Variants in DSCAM observed in about 807,000 individuals in gnomAD.
DSCAM encodes the protein cell adhesion molecule DSCAM.
A neutral mutation model predicts 217.7 loss-of-function variants in DSCAM; 47 were observed. That is an observed-to-expected ratio of 0.22 (90% confidence interval 0.17 to 0.28). The LOEUF is 0.28. DSCAM is among the 10% of genes least tolerant of loss of function. The pLI is 1.00. For synonymous variants in DSCAM, 1,056 were observed against 1,015.3 expected, an observed-to-expected ratio of 1.04 and a Z score of -0.76; for missense variants, 2,080 against 2,618.3, an observed-to-expected ratio of 0.79 and a Z score of 4.49.
chr21:40,110,791 A>C (rs1477588928), intron 20 of DSCAM, among the ~76,000 whole-genome samples: 1 of 152,222 alleles, frequency 6.6e-6, no homozygotes, highest in Admixed American at 6.5e-5. Flanking sequence ...TAGCTGATTC[A>C]ATCAACTGGA....
chr21:40,228,377 A>G (rs1004796812), intron 11 of DSCAM, among the ~76,000 whole-genome samples: 4 of 152,126 alleles, frequency 2.6e-5, no homozygotes, highest in Admixed American at 2.6e-4. Context: ...TCGTCAGGAA[A>G]ATTTGGCTAT....
At chr21:40,806,183 G>C (rs909689723) in intron 1 of DSCAM, among the ~76,000 whole-genome samples, 1 of 152,134 alleles carries the variant, frequency 6.6e-6, no homozygotes, top group African/African-American at 2.4e-5. Flanking sequence ...TTTCCTGCCT[G>C]GCCCACAAGC....
At chr21:40,607,545 T>C (rs755351600) in intron 3 of DSCAM, among the ~76,000 whole-genome samples, 15 of 152,090 alleles carry the variant, frequency 9.9e-5, no homozygotes, top group Non-Finnish European at 1.8e-4. Flanking sequence ...TCATCGTGAA[T>C]TGTACTGCCA....
intron 1 of DSCAM, among the ~76,000 whole-genome samples, chr21:40,814,166 C>T (rs1209773979): frequency 6.6e-6 from 1 of 152,182 alleles, no homozygotes; most frequent in African/African-American, 2.4e-5. Context: ...GCATACTAAA[C>T]AACAGCTTTA....
intron 3 of DSCAM, among the ~76,000 whole-genome samples, chr21:40,399,483 G>C (rs1334195051): frequency 6.6e-6 from 1 of 152,172 alleles, no homozygotes; most frequent in Admixed American, 6.5e-5. Context: ...GTCAATTCCT[G>C]TGTGCATGCT....
rs577452457 is a variant in DSCAM, at chr21:40,822,439, GT to G, written c.43+24179del. Among the ~76,000 whole-genome samples the G allele has an allele frequency of 4.2e-3, 527 of 125,076 alleles. 6 individuals are homozygous for G. Among genetic ancestry groups the G allele is most frequent in the African/African-American group, 0.015 (504 of 33,186 alleles). 82.1% of individuals were successfully genotyped at this position (125,076 alleles called of 152,430 possible). A position where few individuals can be genotyped will look rare whatever the true frequency, so the allele number is the denominator to read the frequency against. On this transcript the variant is annotated intron_variant, in intron 1 of 32. Coordinates refer to ENST00000400454, the MANE Select transcript of DSCAM (RefSeq NM_001389.5). The stretch of plus-strand genomic sequence containing the variant: ...TGTTTTATTAGCTTATATTACCTCT[GT>G]TTTTTTTTAAAAAAAAAGACTTTGT...
At chr21:40,514,132 C>A (rs1032566716) in intron 3 of DSCAM, among the ~76,000 whole-genome samples, 1 of 152,092 alleles carries the variant, frequency 6.6e-6, no homozygotes, top group Non-Finnish European at 1.5e-5. Flanking sequence ...AAGCAACCTC[C>A]CAAAACAATT....
At chr21:40,367,481 C>A (rs2074845588) in intron 4 of DSCAM, among the ~76,000 whole-genome samples, 1 of 152,178 alleles carries the variant, frequency 6.6e-6, no homozygotes, top group African/African-American at 2.4e-5. Flanking sequence ...ATATTTAAAT[C>A]TAATTTAAAA....
At chr21:40,750,131 T>C (rs2091213856) in intron 1 of DSCAM, among the ~76,000 whole-genome samples, 1 of 152,118 alleles carries the variant, frequency 6.6e-6, no homozygotes, top group African/African-American at 2.4e-5. Context: ...TTTCACCATG[T>C]TGGCCAGGCT....
chr21:40,429,217 A>C (rs1361068104), intron 3 of DSCAM, among the ~76,000 whole-genome samples: 1 of 152,054 alleles, frequency 6.6e-6, no homozygotes, highest in Non-Finnish European at 1.5e-5. Context: ...ATATAATTTT[A>C]AATGTTACAT....
intron 8 of DSCAM, among the ~76,000 whole-genome samples, chr21:40,324,647 T>A (rs538038471): frequency 6.6e-6 from 1 of 152,224 alleles, no homozygotes; most frequent in Non-Finnish European, 1.5e-5. Flanking sequence ...TGATAATATC[T>A]ATATGTAAAC....
chr21:40,619,962 G>C (rs189828979), intron 3 of DSCAM, among the ~76,000 whole-genome samples: 17 of 136,598 alleles, frequency 1.2e-4, no homozygotes, highest in African/African-American at 3.8e-4. Context: ...AAAGGAAAAA[G>C]AGAAAAAGAA....
At chr21:40,599,719 C>A (rs931183448) in intron 3 of DSCAM, among the ~76,000 whole-genome samples, 16 of 151,816 alleles carry the variant, frequency 1.1e-4, no homozygotes, top group Admixed American at 1.0e-3. Context: ...GCTAGATAGA[C>A]TAGTAAAGAA....
intron 3 of DSCAM, among the ~76,000 whole-genome samples, chr21:40,416,536 G>A (rs939374843): frequency 1.3e-5 from 2 of 152,102 alleles, no homozygotes; most frequent in Non-Finnish European, 2.9e-5. Flanking sequence ...AAAGAGTTTG[G>A]AGACAAGAAT....
In DSCAM at chr21:40,841,626, G is replaced by A. The variant is rs535484875; in HGVS notation, c.43+4993C>T. Among the ~76,000 whole-genome samples the A allele has an allele frequency of 2.2e-4, 34 of 152,238 alleles. 1 individual carries two copies. In the South Asian group the frequency reaches 6.7e-3, roughly 30 times the overall value. ...CCTGCGGAGATTGATGGACTGCGGA[G>A]GAGCGGGCACGTCAGCATCACCCCT... On this transcript the variant is annotated intron_variant, in intron 1 of 32. Coordinates refer to ENST00000400454, the MANE Select transcript of DSCAM (RefSeq NM_001389.5).
chr21:40,448,348 G>A (rs77538188), intron 3 of DSCAM, among the ~76,000 whole-genome samples: 22,766 of 152,074 alleles, frequency 0.15, 1,900 homozygotes, highest in South Asian at 0.21. Flanking sequence ...TAGAACATCT[G>A]TCTCCTCCTG....
At chr21:40,226,371 T>C (rs1323912515) in intron 11 of DSCAM, among the ~76,000 whole-genome samples, 1 of 152,212 alleles carries the variant, frequency 6.6e-6, no homozygotes, top group African/African-American at 2.4e-5. Context: ...GAAACAGAAA[T>C]TTCTCCCTTG....
chr21:40,281,369 A>G (rs1325177968), intron 10 of DSCAM, among the ~76,000 whole-genome samples: 2 of 152,178 alleles, frequency 1.3e-5, no homozygotes, highest in African/African-American at 4.8e-5. Flanking sequence ...TAATAATTTT[A>G]AGATTATATG....
At chr21:40,820,479 G>C (rs762780215) in intron 1 of DSCAM, among the ~76,000 whole-genome samples, 7 of 152,098 alleles carry the variant, frequency 4.6e-5, no homozygotes, top group Admixed American at 4.6e-4. Flanking sequence ...GGCAAGGTGG[G>C]GGAGAGCATT....
Sources: allele counts gnomAD v4.1 joint callset (sites outside exome capture counted in the v4.1 genomes callset), GRCh38; gene constraint gnomAD v4.1.1; transcripts MANE v1.5; gene names NCBI Gene and HGNC (gene_info 2026-07-23, HGNC 2026-07-21).